The following MTFR1 variants were observed in gnomAD, a reference collection of about 807,000 sequenced individuals.
MTFR1 encodes the protein chondrocyte protein with a poly-proline region.
A neutral mutation model predicts 38.8 loss-of-function variants in MTFR1; 28 were observed. The observed-to-expected ratio is 0.72, with a 90% confidence interval of 0.53 to 0.99. The LOEUF is 0.99. Ranked by LOEUF, MTFR1 falls within the 50% of genes least tolerant of loss-of-function variation. MTFR1 has a pLI of 0.00. For missense variants in MTFR1, 358 were observed against 395.5 expected (o/e 0.91, Z 0.81); for synonymous variants, 145 against 137.0 (o/e 1.06, Z -0.41).
rs1231991910 is a variant in MTFR1, at chr8:65,709,005, A to G, written c.963A>G (p.Gly321=). The change falls in exon 8 of 8, where the codon GGA becomes GGG. Residue 321 remains glycine, a synonymous_variant. Coordinates refer to ENST00000262146, the MANE Select transcript of MTFR1 (RefSeq NM_014637.4). ...LFGPHMLKPT[G]KMKALIENVS... ...GGCCACACATGTTGAAGCCAACAGG[A>G]AAAATGAAGGCTTTAATTGAAAATG... is the stretch of plus-strand genomic sequence containing the variant. 3.7e-6 allele frequency: 6 copies of G among 1,613,986 alleles called. No individual in the cohort carries two copies. Among genetic ancestry groups the G allele is most frequent in the Non-Finnish European group, 5.1e-6 (6 of 1,179,870 alleles).
At chr8:65,740,652 G>A (rs528886586) in intron 3 of MTFR1, among the ~76,000 whole-genome samples, 29 of 151,992 alleles carry the variant, frequency 1.9e-4, no homozygotes, top group Non-Finnish European at 2.9e-4. Context: ...CGCCCGCCTC[G>A]GCCTCCCAAA....
At chr8:65,673,932 T>C (rs1804637778) in intron 2 of MTFR1, among the ~76,000 whole-genome samples, 1 of 152,090 alleles carries the variant, frequency 6.6e-6, no homozygotes, top group South Asian at 2.1e-4. Context: ...TGCATAAGTT[T>C]GAAATATTGT....
chr8:65,660,364 C>T (rs531338619), intron 1 of MTFR1, among the ~76,000 whole-genome samples: 1 of 150,712 alleles, frequency 6.6e-6, no homozygotes, highest in Admixed American at 6.6e-5. Flanking sequence ...CTGGACTGGT[C>T]TGAGGGATGC....
intron 3 of MTFR1, among the ~76,000 whole-genome samples, chr8:65,757,632 T>G (rs1468482338): frequency 6.6e-6 from 1 of 152,190 alleles, no homozygotes; most frequent in Non-Finnish European, 1.5e-5. Flanking sequence ...TTTTGTTTGT[T>G]TTTTAAGACT....
chr8:65,656,236 A>T (rs192825728), intron 1 of MTFR1, among the ~76,000 whole-genome samples: 2 of 151,796 alleles, frequency 1.3e-5, no homozygotes, highest in Admixed American at 1.3e-4. Context: ...ACATTCATCT[A>T]CTGTCCCTGT....
At chr8:65,770,162 T>C (rs902785738) in intron 3 of MTFR1, among the ~76,000 whole-genome samples, 22 of 142,750 alleles carry the variant, frequency 1.5e-4, no homozygotes, top group African/African-American at 2.4e-4. Flanking sequence ...TGTGTGTGTG[T>C]GCCACACCTA....
rs137995666 is a variant in MTFR1 at position 65,647,229 on chromosome 8, T to G, written c.-81+2445T>G. On this transcript the variant is annotated intron_variant, in intron 1 of 7. Coordinates refer to ENST00000262146, the MANE Select transcript of MTFR1 (RefSeq NM_014637.4). ...AATAGACGTGGGGAACTGGCAAATT[T>G]ATGGATATGAGGAAAGGACCAGACA... Among the ~76,000 whole-genome samples, 533 of 152,302 alleles carry G rather than the reference T, an allele frequency of 3.5e-3. 4 individuals carry two copies. Among genetic ancestry groups the G allele is most frequent in the African/African-American group, 0.011 (468 of 41,558 alleles).
chr8:65,706,245 T>C (rs1805776843), intron 5 of MTFR1, among the ~76,000 whole-genome samples: 1 of 152,238 alleles, frequency 6.6e-6, no homozygotes, highest in Non-Finnish European at 1.5e-5. Context: ...TCTGGCTGAC[T>C]GGGAAAGTGC....
intron 1 of MTFR1, among the ~76,000 whole-genome samples, chr8:65,656,488 C>T (rs927581276): frequency 2.6e-5 from 4 of 151,236 alleles, no homozygotes; most frequent in Non-Finnish European, 5.9e-5. Flanking sequence ...CATGTACCAC[C>T]ATGCCTGGCT....
chr8:65,663,244 C>T (rs928431188), intron 1 of MTFR1, among the ~76,000 whole-genome samples: 25 of 152,146 alleles, frequency 1.6e-4, no homozygotes, highest in African/African-American at 5.8e-4. Flanking sequence ...CAACCCTGTG[C>T]TCTCTGAAAC....
chr8:65,645,541 C>T (rs1406071177), intron 1 of MTFR1, among the ~76,000 whole-genome samples: 1 of 152,162 alleles, frequency 6.6e-6, no homozygotes, highest in Admixed American at 6.5e-5. Flanking sequence ...GGTTATTTTG[C>T]GTTTTTGAGA....
At position 65,767,495 on chromosome 8, in the gene MTFR1, C is replaced by T. The variant is rs371450200; in HGVS notation, c.*49-3452C>T. On this transcript the variant is annotated intron_variant, in intron 3 of 3. Coordinates refer to the MTFR1 transcript ENST00000521247. Reference sequence around the variant, plus strand: ...TATTAAAACGTTGGGTGTGTTAGGCCTAAGGAAACAATCTCTCCAATATTC... The same window carrying T: ...TATTAAAACGTTGGGTGTGTTAGGCTTAAGGAAACAATCTCTCCAATATTC... Among the ~76,000 whole-genome samples, 6 of 152,312 alleles carry T rather than the reference C, an allele frequency of 3.9e-5. No individual in the cohort carries two copies. In the East Asian group the frequency reaches 1.2e-3, roughly 29 times the overall value.
intron 3 of MTFR1, among the ~76,000 whole-genome samples, chr8:65,766,392 T>C (rs372091104): frequency 7.5e-4 from 114 of 152,384 alleles, no homozygotes; most frequent in African/African-American, 2.6e-3. Context: ...ACTCTTACTT[T>C]AGCTGACTGA....
At chr8:65,662,491 G>A (rs187396375) in intron 1 of MTFR1, among the ~76,000 whole-genome samples, 1 of 141,444 alleles carries the variant, frequency 7.1e-6, no homozygotes, top group Non-Finnish European at 1.6e-5. Context: ...CCCAAAGTGC[G>A]GAGATTGCAG....
downstream of MTFR1, among the ~76,000 whole-genome samples, chr8:65,713,485 A>ACACACACACACACACACACAC (rs1169373621): frequency 3.3e-5 from 4 of 119,470 alleles, no homozygotes; most frequent in African/African-American, 1.3e-4. Flanking sequence ...CACACACACA[A>ACACACACACACACACACACAC]ACAAAACAAA....
intron 4 of MTFR1, among the ~76,000 whole-genome samples, chr8:65,704,320 T>G (rs540780231): frequency 4.7e-4 from 72 of 152,236 alleles, no homozygotes; most frequent in Non-Finnish European, 8.4e-4. Flanking sequence ...TATGGGGAGA[T>G]ATAGAAAGTT....
At chr8:65,730,743 C>G (rs542647410) in intron 3 of MTFR1, among the ~76,000 whole-genome samples, 26 of 152,056 alleles carry the variant, frequency 1.7e-4, no homozygotes, top group South Asian at 6.2e-4. Flanking sequence ...GCCTGGCCAT[C>G]ATGGCAAAAC....
chr8:65,750,209 A>G (rs1807868336), intron 3 of MTFR1, among the ~76,000 whole-genome samples: 1 of 152,216 alleles, frequency 6.6e-6, no homozygotes, highest in Admixed American at 6.5e-5. Context: ...ATCCTTAGAA[A>G]CCAAGGTAAA....
chr8:65,704,309 G>T (rs191779431), intron 4 of MTFR1, among the ~76,000 whole-genome samples: 2 of 152,244 alleles, frequency 1.3e-5, no homozygotes, highest in East Asian at 3.9e-4. Flanking sequence ...ATCATGCAAG[G>T]TATGGGGAGA....
Sources: gnomAD v4.1 joint callset for allele counts (sites outside exome capture counted in the v4.1 genomes callset) on GRCh38, gnomAD v4.1.1 for gene constraint, MANE v1.5 for transcripts, NCBI Gene and HGNC (gene_info 2026-07-23, HGNC 2026-07-21) for gene names.